CCSER2: variants seen among roughly 807,000 people sequenced by gnomAD.
The protein encoded by CCSER2 is serine-rich coiled-coil domain-containing protein 2.
A neutral mutation model predicts 92.3 loss-of-function variants in CCSER2; 46 were observed. The ratio of observed to expected loss-of-function variants is 0.50; its 90% CI spans 0.39 to 0.64. The LOEUF is 0.64. Ranked by LOEUF, CCSER2 falls within the 30% of genes least tolerant of loss-of-function variation. The pLI is 0.00. For missense variants in CCSER2, 1,244 were observed against 1,238.9 expected, an observed-to-expected ratio of 1.00 and a Z score of -0.06; for synonymous variants, 433 against 431.4, an observed-to-expected ratio of 1.00 and a Z score of -0.04.
At position 84,514,193 on chromosome 10, in the gene CCSER2, A is replaced by G. The variant is rs1849516336; in HGVS notation, c.3070A>G (p.Asn1024Asp). 6.5e-7 allele frequency: 1 copy of G among 1,536,486 alleles called. No individual in the cohort carries two copies. Residue 1024 changes from asparagine (N) to aspartate (D), a missense_variant, in exon 10 of 10, where the codon AAT (asparagine) becomes GAT (aspartate). Transcript: ENST00000372088. Reference protein sequence around the residue: ...TQRKEIMQNPNGNLHSGDCLA... With the variant: ...TQRKEIMQNPDGNLHSGDCLA... The stretch of plus-strand genomic sequence containing the variant: ...ACGAAAAGAAATCATGCAGAATCCA[A>G]ATGGCAATTTGCATTCTGGGGATTG...
At chr10:84,468,755 A>C (rs908171723) in intron 7 of CCSER2, among the ~76,000 whole-genome samples, 1 of 152,178 alleles carries the variant, frequency 6.6e-6, no homozygotes, top group African/African-American at 2.4e-5. Flanking sequence ...ACCTTGTTAT[A>C]GGTTTTCTCT....
intron 6 of CCSER2, among the ~76,000 whole-genome samples, chr10:84,459,896 T>G (rs1371547792): frequency 6.6e-6 from 1 of 152,038 alleles, no homozygotes. Context: ...TTTTAAATCC[T>G]GATTGGATAT....
At chr10:84,385,566 G>A (rs1231553333) in intron 3 of CCSER2, among the ~76,000 whole-genome samples, 1 of 152,166 alleles carries the variant, frequency 6.6e-6, no homozygotes. Context: ...GAAGAAGAAT[G>A]AAACTGCACC....
In CCSER2 at chr10:84,456,086, C is replaced by A. The variant is rs553596484; in HGVS notation, c.2065-7847C>A. The A allele has an allele frequency of 1.5e-5, 6 of 401,322 alleles. No homozygotes were observed. In the Admixed American group the frequency reaches 1.9e-4, roughly 13 times the overall value. 24.9% of individuals were successfully genotyped at this position (401,322 alleles called of 1,614,324 possible). Reference sequence around the variant, plus strand: ...GGCTGGGTCAGGCCAAAGACCCGAGCTGCAGCCACACAGGGGAGAGAACAG... The same window carrying A: ...GGCTGGGTCAGGCCAAAGACCCGAGATGCAGCCACACAGGGGAGAGAACAG... On this transcript the variant is annotated intron_variant, in intron 6 of 9. Coordinates refer to ENST00000372088, the MANE Select transcript of CCSER2 (RefSeq NM_001284240.2).
rs1038278758 is a variant in CCSER2, at chr10:84,514,447, A to G, written c.*180A>G. The G allele has an allele frequency of 3.5e-6, 2 of 577,600 alleles. No homozygotes were observed. The highest frequency in any genetic ancestry group is 3.8e-5 in the African/African-American group (2 of 53,162). 35.8% of individuals were successfully genotyped at this position (577,600 alleles called of 1,614,324 possible). A position where few individuals can be genotyped will look rare whatever the true frequency, so the allele number is the denominator to read the frequency against. On this transcript the variant is annotated 3_prime_UTR_variant, in exon 10 of 10. Coordinates refer to ENST00000372088, the MANE Select transcript of CCSER2 (RefSeq NM_001284240.2). Reference sequence around the variant, plus strand: ...TCATTTTATATCCTGGTTGAAGTACATGCCATTTGAGCATAATTATCTCAG... The same window carrying G: ...TCATTTTATATCCTGGTTGAAGTACGTGCCATTTGAGCATAATTATCTCAG...
At chr10:84,455,877 G>A (rs1431722053) in intron 6 of CCSER2, 3 of 713,800 alleles carry the variant, frequency 4.2e-6, no homozygotes, top group Admixed American at 1.8e-5. Context: ...ACAGCATCTG[G>A]CTTTTCATTA....
intron 1 of CCSER2, among the ~76,000 whole-genome samples, chr10:84,343,134 G>T (rs916830021): frequency 6.6e-6 from 1 of 152,166 alleles, no homozygotes; most frequent in African/African-American, 2.4e-5. Context: ...TCCCAAAGTG[G>T]TGGGATTACA....
At chr10:84,509,956 C>A (rs1486386634) in intron 9 of CCSER2, among the ~76,000 whole-genome samples, 1 of 152,154 alleles carries the variant, frequency 6.6e-6, no homozygotes, top group Non-Finnish European at 1.5e-5. Flanking sequence ...TATGGTTTTT[C>A]TGACAATTTC....
chr10:84,341,343 CTTT>C (rs35558044), intron 1 of CCSER2, among the ~76,000 whole-genome samples: 2 of 94,310 alleles, frequency 2.1e-5, no homozygotes, highest in Admixed American at 2.4e-4. Context: ...CTTTGTAACT[CTTT>C]TTTTTTTTTT....
rs11461623 is a variant in CCSER2, at chr10:84,501,822, G to GAAA, written c.2326-11616_2326-11614dup. Among the ~76,000 whole-genome samples the GAAA allele has an allele frequency of 3.6e-3, 103 of 28,952 alleles. 8 individuals carry two copies. The highest frequency in any genetic ancestry group is 0.011 in the East Asian group (9 of 814). 19.0% of individuals were successfully genotyped at this position (28,952 alleles called of 152,430 possible). A position where few individuals can be genotyped will look rare whatever the true frequency, so the allele number is the denominator to read the frequency against. ...AGTTTGGATGTATTAGTCATCTAGG[G>GAAA]AAAAAAAAAAAAATATATATATATA... is the stretch of plus-strand genomic sequence containing the variant. On this transcript the variant is annotated intron_variant, in intron 9 of 9. Transcript: ENST00000372088.
chr10:84,392,783 A>G lies in CCSER2; in HGVS notation c.1614+18968A>G, dbSNP rs183193367. On this transcript the variant is annotated intron_variant, in intron 3 of 9. Coordinates refer to ENST00000372088, the MANE Select transcript of CCSER2 (RefSeq NM_001284240.2). Reference sequence around the variant, plus strand: ...GGGGTGTGCAGGCTGGGTGGAATAAATGGGGCTTGGTATATCAAACTAAAG... The same window carrying G: ...GGGGTGTGCAGGCTGGGTGGAATAAGTGGGGCTTGGTATATCAAACTAAAG... Among the ~76,000 whole-genome samples the G allele has an allele frequency of 4.3e-4, 66 of 152,288 alleles. 1 individual carries two copies. Among genetic ancestry groups the G allele is most frequent in the Admixed American group, 2.7e-3 (42 of 15,284 alleles).
chr10:84,500,003 T>TCTG (rs759316625), intron 9 of CCSER2: 1 of 1,613,406 alleles, frequency 6.2e-7, no homozygotes, highest in Non-Finnish European at 8.5e-7. Flanking sequence ...GGCTTCCCCT[T>TCTG]CATGGTATTT....
In CCSER2 at chr10:84,463,965, A is replaced by C; in HGVS notation, c.2097A>C (p.Gln699His). Residue 699 changes from glutamine to histidine, a missense_variant, in exon 7 of 10, where the codon CAA (glutamine) becomes CAC (histidine). Gln to His is a conservative substitution (Grantham distance 24). Coordinates refer to ENST00000372088, the MANE Select transcript of CCSER2 (RefSeq NM_001284240.2). Reference sequence around the variant, plus strand: ...GAAGTGGTTCATTGCATGATATTCAACTGTCATTGCCATCCAGTCCAGAAC... The same window carrying C: ...GAAGTGGTTCATTGCATGATATTCACCTGTCATTGCCATCCAGTCCAGAAC... ...HDGSGSLHDI[Q>H]LSLPSSPEPE... 6.2e-7 allele frequency: 1 copy of C among 1,611,618 alleles called. No individual in the cohort carries two copies. Among genetic ancestry groups the C allele is most frequent in the Non-Finnish European group, 8.5e-7 (1 of 1,178,036 alleles).
intron 6 of CCSER2, among the ~76,000 whole-genome samples, chr10:84,440,285 G>A (rs1318371169): frequency 1.3e-5 from 2 of 152,038 alleles, no homozygotes; most frequent in African/African-American, 4.8e-5. Context: ...TTTTGTTTAT[G>A]TGATGACAGC....
chr10:84,462,701 T>TA (rs1366984636), intron 6 of CCSER2, among the ~76,000 whole-genome samples: 12 of 152,224 alleles, frequency 7.9e-5, no homozygotes, highest in African/African-American at 1.9e-4. Context: ...GGCAAACACT[T>TA]ACTCTCTTGA....
At chr10:84,474,532 A>T (rs1300372980) in intron 8 of CCSER2, among the ~76,000 whole-genome samples, 1 of 152,008 alleles carries the variant, frequency 6.6e-6, no homozygotes. Flanking sequence ...ATGGTGGCAC[A>T]TGCCTGTAGT....
At chr10:84,475,073 G>A (rs1847058283) in intron 8 of CCSER2, among the ~76,000 whole-genome samples, 1 of 152,176 alleles carries the variant, frequency 6.6e-6, no homozygotes. Context: ...CCCAAGGATA[G>A]GTTAAGGGCC....
intron 9 of CCSER2, among the ~76,000 whole-genome samples, chr10:84,502,206 T>G (rs945989835): frequency 9.2e-5 from 14 of 152,054 alleles, no homozygotes; most frequent in African/African-American, 3.4e-4. Context: ...AACAGATCTC[T>G]TCTTTTCCTA....
intron 1 of CCSER2, among the ~76,000 whole-genome samples, chr10:84,330,494 G>A (rs1843503391): frequency 6.6e-6 from 1 of 152,178 alleles, no homozygotes; most frequent in African/African-American, 2.4e-5. Context: ...TTATGTGTCT[G>A]TCTCCACCAG....
Sources: allele counts gnomAD v4.1 joint callset (sites outside exome capture counted in the v4.1 genomes callset), GRCh38; gene constraint gnomAD v4.1.1; transcripts MANE v1.5; gene names NCBI Gene and HGNC (gene_info 2026-07-23, HGNC 2026-07-21).